The following ITGBL1 variants were observed in gnomAD, a reference collection of about 807,000 sequenced individuals.
ITGBL1 encodes the protein integrin subunit beta like 1.
In ITGBL1, 51 loss-of-function variants were observed where a neutral mutation model predicts 68.5. The observed-to-expected ratio is 0.74, with a 90% CI of 0.59 to 0.94. ITGBL1 has a LOEUF of 0.94. Among genes scored for constraint, ITGBL1 ranks in the 40% least tolerant of loss-of-function variants. The pLI is 0.00. For synonymous variants in ITGBL1, 209 were observed against 227.3 expected (o/e 0.92, Z 0.72); for missense variants, 649 against 647.4 (o/e 1.00, Z -0.03).
chr13:101,604,887 T>TATATATATGCACACACACAC, intron 7 of ITGBL1, among the ~76,000 whole-genome samples: 2 of 22,164 alleles, frequency 9.0e-5, no homozygotes, highest in Non-Finnish European at 1.6e-4. Context: ...TATATATATA[T>TATATATATGCACACACACAC]ACACACACAC....
chr13:101,560,436 A>T (rs980490604), intron 2 of ITGBL1, among the ~76,000 whole-genome samples: 1 of 152,206 alleles, frequency 6.6e-6, no homozygotes, highest in Admixed American at 6.5e-5. Context: ...AGCTTATCAG[A>T]TGCACAGAGA....
chr13:101,579,405 T>A lies in ITGBL1; in HGVS notation c.705T>A (p.Asp235Glu). The part of the protein sequence containing the change: ...WESKRRCTSP[D>E]GKICSNRGTC... ...GCAAGCGAAGATGCACGTCTCCAGA[T>A]GGCAAAATCTGCAGTAACAGAGGTG... The change falls in exon 5 of 11, where the codon GAT (aspartate) becomes GAA (glutamate). Residue 235 changes from aspartate (D) to glutamate (E), a missense_variant. Physicochemically the swap from Asp to Glu is conservative, Grantham distance 45. Coordinates refer to ENST00000376180, the MANE Select transcript of ITGBL1 (RefSeq NM_004791.3). 1 of 1,613,790 alleles carries A rather than the reference T, an allele frequency of 6.2e-7. No individual in the cohort carries two copies. The highest frequency in any genetic ancestry group is 1.3e-5 in the African/African-American group (1 of 75,040).
At chr13:101,653,075 A>G (rs966966892) in intron 7 of ITGBL1, among the ~76,000 whole-genome samples, 10 of 151,870 alleles carry the variant, frequency 6.6e-5, no homozygotes, top group African/African-American at 9.7e-5. Flanking sequence ...CAGCCTGGGC[A>G]ACAAGAGTGA....
chr13:101,512,352 C>T (rs188457745), intron 2 of ITGBL1, among the ~76,000 whole-genome samples: 2 of 152,132 alleles, frequency 1.3e-5, no homozygotes, highest in African/African-American at 4.8e-5. Flanking sequence ...TCTGTCTCCA[C>T]GTCTCTTCTA....
intron 2 of ITGBL1, among the ~76,000 whole-genome samples, chr13:101,551,902 A>C (rs1035336938): frequency 6.6e-6 from 1 of 152,190 alleles, no homozygotes; most frequent in African/African-American, 2.4e-5. Flanking sequence ...ACAGATTTTC[A>C]GAATGTGGGG....
intron 2 of ITGBL1, among the ~76,000 whole-genome samples, chr13:101,515,388 G>A (rs1594858879): frequency 6.6e-6 from 1 of 151,972 alleles, no homozygotes; most frequent in South Asian, 2.1e-4. Flanking sequence ...ACAACAAGAT[G>A]GTAGGGTTTC....
At chr13:101,468,257 AAAGT>A (rs1391681753) in intron 2 of ITGBL1, among the ~76,000 whole-genome samples, 6 of 152,316 alleles carry the variant, frequency 3.9e-5, no homozygotes, top group South Asian at 2.1e-4. Context: ...TTCAAGAAAG[AAAGT>A]ATTTGATTTG....
intron 7 of ITGBL1, among the ~76,000 whole-genome samples, chr13:101,622,293 CATG>C (rs1296495175): frequency 6.6e-6 from 1 of 152,098 alleles, no homozygotes; most frequent in Non-Finnish European, 1.5e-5. Context: ...ATGGTAGTAT[CATG>C]ATTATCCCTA....
At chr13:101,464,950 C>T (rs2048363895) in intron 2 of ITGBL1, among the ~76,000 whole-genome samples, 2 of 152,102 alleles carry the variant, frequency 1.3e-5, no homozygotes, top group Admixed American at 6.6e-5. Flanking sequence ...ATGTGTAAAC[C>T]TGCTAGAAAT....
intron 2 of ITGBL1, among the ~76,000 whole-genome samples, chr13:101,481,175 T>C (rs1003503654): frequency 7.1e-6 from 1 of 140,580 alleles, no homozygotes; most frequent in African/African-American, 2.7e-5. Flanking sequence ...AGAGAGCATA[T>C]ATATACATAT....
At chr13:101,494,112 A>C (rs912750825) in intron 2 of ITGBL1, among the ~76,000 whole-genome samples, 4 of 152,210 alleles carry the variant, frequency 2.6e-5, no homozygotes, top group Non-Finnish European at 5.9e-5. Context: ...TTTGGTAGTT[A>C]TCAAATAATA....
At chr13:101,476,150 A>G (rs1486073510) in intron 2 of ITGBL1, among the ~76,000 whole-genome samples, 2 of 150,232 alleles carry the variant, frequency 1.3e-5, no homozygotes, top group Non-Finnish European at 3.0e-5. Flanking sequence ...ACTTCTTAAG[A>G]CATAATAACA....
intron 7 of ITGBL1, among the ~76,000 whole-genome samples, chr13:101,615,467 T>G (rs910206075): frequency 6.6e-6 from 1 of 152,172 alleles, no homozygotes; most frequent in East Asian, 1.9e-4. Flanking sequence ...ATATACTACT[T>G]TATTTGCTGA....
intron 2 of ITGBL1, among the ~76,000 whole-genome samples, chr13:101,545,095 C>CCCGGTACCTCAGTTGGAAAT (rs2049795354): frequency 6.6e-6 from 1 of 152,142 alleles, no homozygotes; most frequent in African/African-American, 2.4e-5. Context: ...GTGAGATGAA[C>CCCGGTACCTCAGTTGGAAAT]CCGGTACCTC....
intron 7 of ITGBL1, among the ~76,000 whole-genome samples, chr13:101,622,911 A>ATGTGTGTG (rs756971096): frequency 0.12 from 13,588 of 114,838 alleles, 767 homozygotes; most frequent in South Asian, 0.21. Flanking sequence ...TGTGTGGGGT[A>ATGTGTGTG]TGTATGTGTG....
At chr13:101,513,946 A>C (rs1319196047) in intron 2 of ITGBL1, among the ~76,000 whole-genome samples, 1 of 152,100 alleles carries the variant, frequency 6.6e-6, no homozygotes, top group Non-Finnish European at 1.5e-5. Flanking sequence ...TGCATATTTA[A>C]ATAAATATTT....
chr13:101,616,540 G>A lies in ITGBL1; in HGVS notation c.1015+18241G>A, dbSNP rs780318121. On this transcript the variant is annotated intron_variant, in intron 7 of 10. Transcript: ENST00000376180. ...TGGAGTCTCACTGTTGCCCAGGCTG[G>A]AGTGCAGTGGCGCTATCTCAGCTCA... Among the ~76,000 whole-genome samples, 61 of 151,942 alleles carry A rather than the reference G, an allele frequency of 4.0e-4. 1 individual carries two copies. Among genetic ancestry groups the A allele is most frequent in the Non-Finnish European group, 1.5e-4 (10 of 67,996 alleles).
At chr13:101,573,267 G>A (rs2050302278) in intron 3 of ITGBL1, among the ~76,000 whole-genome samples, 1 of 152,136 alleles carries the variant, frequency 6.6e-6, no homozygotes, top group South Asian at 2.1e-4. Context: ...TATGAATTGA[G>A]TTAGCTTTTA....
chr13:101,563,427 A>C (rs1222531144), intron 2 of ITGBL1, among the ~76,000 whole-genome samples: 1 of 151,816 alleles, frequency 6.6e-6, no homozygotes, highest in Non-Finnish European at 1.5e-5. Context: ...AACATACAGG[A>C]CATACAAATA....
Sources: gnomAD v4.1 joint callset for allele counts (sites outside exome capture counted in the v4.1 genomes callset) on GRCh38, gnomAD v4.1.1 for gene constraint, MANE v1.5 for transcripts, NCBI Gene and HGNC (gene_info 2026-07-23, HGNC 2026-07-21) for gene names.